COL4A5: variants seen among roughly 807,000 people sequenced by gnomAD.
The protein encoded by COL4A5 is collagen alpha-5(IV) chain.
COL4A5 carries 26 observed loss-of-function variants against 130.2 expected under a neutral mutation model. The observed-to-expected ratio is 0.20, with a 90% CI of 0.15 to 0.28. The LOEUF (loss-of-function observed/expected upper bound fraction) is 0.28, where lower values mean the gene tolerates loss of function less well. Ranked by LOEUF, COL4A5 falls within the 10% of genes least tolerant of loss-of-function variation. COL4A5 has a pLI of 1.00. For synonymous variants in COL4A5, 496 were observed against 439.6 expected (o/e 1.13, Z -1.60); for missense variants, 1,131 against 1,344.3 (o/e 0.84, Z 2.48).
At chrX:108,683,591 G>T (rs1018426817) in intron 47 of COL4A5, among the ~76,000 whole-genome samples, 2 of 110,705 alleles carry the variant, frequency 1.8e-5, no homozygotes, top group Non-Finnish European at 3.8e-5. Context: ...TTATAGTTTT[G>T]CCTGAAGAGG....
At chrX:108,632,200 C>G (rs892462910) in intron 36 of COL4A5, among the ~76,000 whole-genome samples, 12 of 111,341 alleles carry the variant, frequency 1.1e-4, no homozygotes, top group Middle Eastern at 4.6e-3. Flanking sequence ...CTATAAACAC[C>G]TCTATGCAAA....
In COL4A5 at chrX:108,450,825, GT is replaced by G. The variant is rs1171186828; in HGVS notation, c.81+10626del. On this transcript the variant is annotated intron_variant, in intron 1 of 52. Transcript: ENST00000328300. Reference sequence around the variant, plus strand: ...TAATGTAATTGAATAAAAAAAGCTAGTTTTTTTATTTTTATTTTTTATTTTT... The same window carrying G: ...TAATGTAATTGAATAAAAAAAGCTAGTTTTTTATTTTTATTTTTTATTTTT... Among the ~76,000 whole-genome samples, 395 of 110,269 alleles carry G rather than the reference GT, an allele frequency of 3.6e-3. 2 individuals carry two copies. The highest frequency in any genetic ancestry group is 0.012 in the African/African-American group (375 of 30,459).
chrX:108,477,133 C>T (rs1406028036), intron 1 of COL4A5, among the ~76,000 whole-genome samples: 1 of 111,485 alleles, frequency 9.0e-6, no homozygotes, highest in African/African-American at 3.3e-5. Context: ...AGCCCACTGA[C>T]TCAAATGTTA....
chrX:108,515,032 A>G (rs1877966100), intron 1 of COL4A5, among the ~76,000 whole-genome samples: 1 of 112,019 alleles, frequency 8.9e-6, no homozygotes, highest in African/African-American at 3.2e-5. Context: ...ATGTAAGAAC[A>G]TTATATATAT....
At chrX:108,457,704 A>T (rs1304203191) in intron 1 of COL4A5, among the ~76,000 whole-genome samples, 1 of 111,554 alleles carries the variant, frequency 9.0e-6, no homozygotes, top group African/African-American at 3.3e-5. Context: ...TAACCTCAAA[A>T]TGTTTCCTCA....
intron 2 of COL4A5, among the ~76,000 whole-genome samples, chrX:108,540,312 C>T (rs781610385): frequency 2.7e-5 from 3 of 111,667 alleles, no homozygotes; most frequent in South Asian, 7.6e-4. Context: ...CACTGACTTA[C>T]TTAATAGGCA....
Position 108,604,790 on chromosome X carries a change from A to G in COL4A5, c.2244+1729A>G, listed in dbSNP as rs148844023. Among the ~76,000 whole-genome samples the G allele has an allele frequency of 6.4e-4, 72 of 112,313 alleles. 1 individual carries two copies. The East Asian group carries it at 0.018, about 28-fold the overall frequency. On this transcript the variant is annotated intron_variant, in intron 28 of 52. Coordinates refer to ENST00000328300, the MANE Select transcript of COL4A5 (RefSeq NM_033380.3). ...TTGTTTAGTGTAGTCACTTTCATCA[A>G]TGATCTTAGCTAGAACTTGCTGCAG...
At chrX:108,440,302 C>A in intron 1 of COL4A5, 96 bp downstream of exon 1, 1 of 584,796 alleles carries the variant, frequency 1.7e-6, no homozygotes, top group Non-Finnish European at 2.8e-6. Flanking sequence ...TTCCTTTTGG[C>A]GTTGACTAGG....
intron 24 of COL4A5, among the ~76,000 whole-genome samples, chrX:108,597,778 C>G (rs1490917210): frequency 9.0e-6 from 1 of 111,439 alleles, no homozygotes; most frequent in African/African-American, 3.3e-5. Flanking sequence ...ACTTATTTTT[C>G]TTAACCCATT....
intron 1 of COL4A5, among the ~76,000 whole-genome samples, chrX:108,486,358 A>G (rs756503420): frequency 3.6e-5 from 4 of 111,088 alleles, no homozygotes; most frequent in African/African-American, 1.3e-4. Flanking sequence ...CAGGGCGGGG[A>G]TGATCAATGC....
chrX:108,457,575 A>G (rs1458321556), intron 1 of COL4A5, among the ~76,000 whole-genome samples: 3 of 111,493 alleles, frequency 2.7e-5, no homozygotes, highest in Non-Finnish European at 5.7e-5. Flanking sequence ...TCATTTTCTT[A>G]TAGTCACCTT....
chrX:108,539,466 G>T (rs866585155), intron 1 of COL4A5, among the ~76,000 whole-genome samples: 2 of 111,596 alleles, frequency 1.8e-5, no homozygotes, highest in African/African-American at 6.5e-5. Flanking sequence ...CCTTTATTGA[G>T]AGATATCTCA....
chrX:108,489,021 C>A (rs2064972930), intron 1 of COL4A5, among the ~76,000 whole-genome samples: 1 of 111,915 alleles, frequency 8.9e-6, no homozygotes, highest in African/African-American at 3.2e-5. Flanking sequence ...TTTGTTACTT[C>A]TTAATATACA....
chrX:108,680,860 A>G (rs2068412960), intron 45 of COL4A5, 25 bp from the exon 46 acceptor site: 7 of 1,203,831 alleles, frequency 5.8e-6, no homozygotes, highest in Admixed American at 2.2e-5. Context: ...GCTTTGCCAT[A>G]AAACTGTATG....
chrX:108,677,510 T>A lies in COL4A5; in HGVS notation c.3819T>A (p.Gly1273=), dbSNP rs775815758. Residue 1273 remains glycine, a synonymous_variant, in exon 44 of 53, where the codon GGT becomes GGA. Transcript: ENST00000328300. ...PGPTGFQGLP[G]PEGPPGLPGN... The stretch of plus-strand genomic sequence containing the variant: ...CTGTGGATTATTAAGGTCTACCAGG[T>A]CCAGAAGGTCCTCCAGGTCTCCCTG... 1.7e-6 allele frequency: 2 copies of A among 1,209,204 alleles called. No individual in the cohort carries two copies. The highest frequency in any genetic ancestry group is 2.2e-6 in the Non-Finnish European group (2 of 893,591).
intron 2 of COL4A5, among the ~76,000 whole-genome samples, chrX:108,547,627 C>A (rs1025420681): frequency 7.1e-5 from 8 of 111,985 alleles, no homozygotes; most frequent in African/African-American, 2.3e-4. Context: ...CCGCTAATCT[C>A]TTCCAAGCTG....
rs772774851 is a variant in COL4A5 at position 108,615,028 on chromosome X, A to T, written c.2509+4A>T. 2 of 1,133,929 alleles carry T rather than the reference A, an allele frequency of 1.8e-6. No individual in the cohort carries two copies. Among genetic ancestry groups the T allele is most frequent in the South Asian group, 1.8e-5 (1 of 54,939 alleles). The allele number at this position is 1,133,929 out of a possible 1,213,427, so 93.4% of individuals were successfully genotyped here. A position where few individuals can be genotyped will look rare whatever the true frequency, so the allele number is the denominator to read the frequency against. ...CCTGGGCCAATAGGTCAACCTGGTA[A>T]GATTAGAGTAAATGTGCATTTTGTA... On this transcript the variant is annotated splice_donor_region_variant and intron_variant, in intron 30 of 52. Transcript: ENST00000328300.
chrX:108,621,886 C>G lies in COL4A5; in HGVS notation c.2761C>G (p.Leu921Val), dbSNP rs745321413. 2 of 1,195,856 alleles carry G rather than the reference C, an allele frequency of 1.7e-6. No homozygotes were observed. The highest frequency in any genetic ancestry group is 2.3e-6 in the Non-Finnish European group (2 of 881,684). The change falls in exon 32 of 53, where the codon CTT becomes GTT. Residue 921 changes from leucine to valine, a missense_variant. Physicochemically the swap from Leu to Val is conservative, Grantham distance 32. Coordinates refer to ENST00000328300, the MANE Select transcript of COL4A5 (RefSeq NM_033380.3). ...GIPGRSGVPG[L>V]KGDDGLQGQP... Reference sequence around the variant, plus strand: ...TCCTGGCAGGAGTGGTGTACCTGGTCTTAAAGGTAATAATCAAGGTTTGCT... The same window carrying G: ...TCCTGGCAGGAGTGGTGTACCTGGTGTTAAAGGTAATAATCAAGGTTTGCT...
intron 1 of COL4A5, among the ~76,000 whole-genome samples, chrX:108,520,995 A>G (rs913615834): frequency 8.9e-6 from 1 of 112,001 alleles, no homozygotes; most frequent in Non-Finnish European, 1.9e-5. Context: ...TTATGTAAGT[A>G]TATGTGTGTT....
Sources: gnomAD v4.1 joint callset for allele counts (sites outside exome capture counted in the v4.1 genomes callset) on GRCh38, gnomAD v4.1.1 for gene constraint, MANE v1.5 for transcripts, NCBI Gene and HGNC (gene_info 2026-07-23, HGNC 2026-07-21) for gene names.